The following RARS2 variants were observed in gnomAD, a reference collection of about 807,000 sequenced individuals.
The protein encoded by RARS2 is arginyl-tRNA synthetase 2, mitochondrial.
Under a neutral mutation model 88.5 loss-of-function variants are expected in RARS2, and 67 were observed. The observed-to-expected ratio is 0.76, with a 90% CI of 0.62 to 0.93. RARS2 has a LOEUF of 0.93. Ranked by LOEUF, RARS2 falls within the 40% of genes least tolerant of loss-of-function variation. RARS2 has a pLI of 0.00. For synonymous variants in RARS2, 239 were observed against 230.3 expected, an observed-to-expected ratio of 1.04 and a Z score of -0.34; for missense variants, 664 against 684.2, an observed-to-expected ratio of 0.97 and a Z score of 0.33.
At chr6:87,541,775 GA>G in intron 8 of RARS2, 142 bp downstream of exon 8, 61 of 617,394 alleles carry the variant, frequency 9.9e-5, no homozygotes, top group Non-Finnish European at 1.6e-4. Flanking sequence ...AGTGAGCTGA[GA>G]TTGCACCACT....
chr6:87,540,781 G>C (rs886338585), intron 8 of RARS2, among the ~76,000 whole-genome samples: 3 of 152,168 alleles, frequency 2.0e-5, no homozygotes, highest in African/African-American at 7.2e-5. Flanking sequence ...ATAAACTTCA[G>C]GAAGAACTGA....
intron 14 of RARS2, chr6:87,519,128 T>C (rs1167211300): frequency 1.7e-5 from 8 of 469,442 alleles, no homozygotes; most frequent in East Asian, 4.3e-5. Flanking sequence ...AAAAATAAAT[T>C]TGGATTTCTG....
At chr6:87,571,433 C>T (rs755017162) in intron 1 of RARS2, among the ~76,000 whole-genome samples, 1 of 152,082 alleles carries the variant, frequency 6.6e-6, no homozygotes, top group African/African-American at 2.4e-5. Flanking sequence ...CAGACTAATA[C>T]ACATATGTAT....
intron 14 of RARS2, among the ~76,000 whole-genome samples, 164 bp downstream of exon 14, chr6:87,519,419 C>T (rs1234849778): frequency 1.3e-5 from 2 of 151,804 alleles, no homozygotes; most frequent in Admixed American, 6.6e-5. Context: ...TCCTGAGTAG[C>T]GAGTATAAAA....
intron 5 of RARS2, among the ~76,000 whole-genome samples, chr6:87,553,435 G>C (rs1050409654): frequency 3.3e-5 from 5 of 151,458 alleles, no homozygotes; most frequent in African/African-American, 1.2e-4. Flanking sequence ...TTTTTTTCTT[G>C]AAGAGCCAGA....
chr6:87,549,868 T>C (rs1214104699), intron 5 of RARS2, among the ~76,000 whole-genome samples: 2 of 152,206 alleles, frequency 1.3e-5, no homozygotes, highest in Non-Finnish European at 2.9e-5. Flanking sequence ...CTCTTGAATA[T>C]GTGTAATGAA....
intron 7 of RARS2, among the ~76,000 whole-genome samples, chr6:87,545,329 C>A (rs557449162): frequency 6.6e-4 from 101 of 152,290 alleles, no homozygotes; most frequent in African/African-American, 2.2e-3. Context: ...AGTGATCCAC[C>A]CGCCTTGGCC....
intron 8 of RARS2, among the ~76,000 whole-genome samples, chr6:87,540,565 C>G (rs892903742): frequency 2.6e-5 from 4 of 151,808 alleles, no homozygotes; most frequent in African/African-American, 9.7e-5. Flanking sequence ...GTGGCTTAAG[C>G]TGGAGAAGTA....
chr6:87,576,783 A>G lies in RARS2; in HGVS notation c.37-7193T>C, dbSNP rs914663672. ...TCTACATATCAAGATAAATTATATCAAGAAAATATACAGAAAATTCAACAC... is the reference window on the plus strand; with the variant it reads ...TCTACATATCAAGATAAATTATATCGAGAAAATATACAGAAAATTCAACAC... On this transcript the variant is annotated intron_variant, in intron 1 of 19. Transcript: ENST00000369536. 3.3e-5 allele frequency among the ~76,000 whole-genome samples: 5 copies of G among 152,372 alleles called. No homozygotes were observed. In the South Asian group the frequency reaches 1.0e-3, roughly 32 times the overall value.
At chr6:87,544,544 CAG>C (rs1458937517) in intron 7 of RARS2, among the ~76,000 whole-genome samples, 3 of 152,140 alleles carry the variant, frequency 2.0e-5, no homozygotes, top group Non-Finnish European at 2.9e-5. Flanking sequence ...GTCTTTGTGT[CAG>C]AGAATGCTTT....
chr6:87,541,884 G>C, intron 8 of RARS2, 34 bp downstream of exon 8: 3 of 1,531,868 alleles, frequency 2.0e-6, no homozygotes, highest in Non-Finnish European at 2.7e-6. Context: ...ATAGTACTCT[G>C]AAAAATTTTT....
intron 10 of RARS2, among the ~76,000 whole-genome samples, chr6:87,525,533 T>C (rs930164068): frequency 2.6e-5 from 4 of 151,566 alleles, no homozygotes; most frequent in Non-Finnish European, 5.9e-5. Context: ...CATATGAAAA[T>C]CAGTAGCCTT....
chr6:87,582,824 A>G (rs1031900005), intron 1 of RARS2, among the ~76,000 whole-genome samples: 1 of 152,252 alleles, frequency 6.6e-6, no homozygotes, highest in Non-Finnish European at 1.5e-5. Flanking sequence ...TCATCAGCAG[A>G]GTCAAGAAAG....
At position 87,569,523 on chromosome 6, in the gene RARS2, TG is replaced by T. The variant is rs1768955731; in HGVS notation, c.103del (p.Gln35LysfsTer5). ...ITSISAVPIS[Q>X]KEEVADFQLS... ...CAAGTGTATTATACTTAACTCTTTT[TG>T]GGAAATTGGAACTGCAGATATTGAT... On this transcript the variant is annotated frameshift_variant, in exon 2 of 20. Coordinates refer to ENST00000369536, the MANE Select transcript of RARS2 (RefSeq NM_020320.5). LOFTEE classifies it high-confidence loss of function. 1 of 1,591,780 alleles carries T rather than the reference TG, an allele frequency of 6.3e-7. No individual in the cohort carries two copies. Among genetic ancestry groups the T allele is most frequent in the Non-Finnish European group, 8.6e-7 (1 of 1,159,986 alleles).
At position 87,576,213 on chromosome 6, in the gene RARS2, C is replaced by T. The variant is rs187271124; in HGVS notation, c.37-6623G>A. Among the ~76,000 whole-genome samples, 13 of 118,006 alleles carry T rather than the reference C, an allele frequency of 1.1e-4. 3 individuals carry two copies. The highest frequency in any genetic ancestry group is 9.0e-5 in the Non-Finnish European group (5 of 55,814). 77.4% of individuals were successfully genotyped at this position (118,006 alleles called of 152,430 possible). ...AAATTTAATAACTTGTAAAATAATACTATTTAGAGATACATTCATAGGTAA... is the reference window on the plus strand; with the variant it reads ...AAATTTAATAACTTGTAAAATAATATTATTTAGAGATACATTCATAGGTAA... On this transcript the variant is annotated intron_variant, in intron 1 of 19. Transcript: ENST00000369536.
At chr6:87,566,849 C>CA (rs36032606) in intron 2 of RARS2, among the ~76,000 whole-genome samples, 3,771 of 59,756 alleles carry the variant, frequency 0.063, 274 homozygotes, top group Admixed American at 0.076. Context: ...GGTCCTGTCT[C>CA]AAAAAAAAAA....
chr6:87,527,074 G>T (rs925491668), intron 10 of RARS2, among the ~76,000 whole-genome samples: 1 of 151,970 alleles, frequency 6.6e-6, no homozygotes, highest in East Asian at 2.0e-4. Context: ...ACTTTGGGAG[G>T]CCAAAGCGGG....
rs1020648556 is a variant in RARS2, at chr6:87,524,543, C to G, written c.974+14G>C. On this transcript the variant is annotated intron_variant, in intron 11 of 19. Coordinates refer to ENST00000369536, the MANE Select transcript of RARS2 (RefSeq NM_020320.5). ...ATTTAGAACCAAATGTTGACCCTCA[C>G]AGAGGCTACAAACCTGGTTGCATAG... 7 of 1,579,606 alleles carry G rather than the reference C, an allele frequency of 4.4e-6. No individual in the cohort carries two copies. In the African/African-American group the frequency reaches 8.1e-5, roughly 18 times the overall value.
At chr6:87,576,169 CTT>C (rs1403923956) in intron 1 of RARS2, among the ~76,000 whole-genome samples, 1 of 119,444 alleles carries the variant, frequency 8.4e-6, no homozygotes, top group African/African-American at 3.1e-5. Flanking sequence ...GATAATTACA[CTT>C]TGATATAATT....
Sources: allele counts gnomAD v4.1 joint callset (sites outside exome capture counted in the v4.1 genomes callset), GRCh38; gene constraint gnomAD v4.1.1; transcripts MANE v1.5; gene names NCBI Gene and HGNC (gene_info 2026-07-23, HGNC 2026-07-21).